SPATA6: variants seen among roughly 807,000 people sequenced by gnomAD.
SPATA6 encodes the protein spermatogenesis-associated protein 6.
A neutral mutation model predicts 65.3 loss-of-function variants in SPATA6; 56 were observed. The ratio of observed to expected loss-of-function variants is 0.86; its 90% CI spans 0.69 to 1.07. The LOEUF (loss-of-function observed/expected upper bound fraction) is 1.07. Ranked by LOEUF, SPATA6 falls within the 50% of genes least tolerant of loss-of-function variation. The pLI is 0.00. For missense variants in SPATA6, 590 were observed against 594.8 expected, an observed-to-expected ratio of 0.99 and a Z score of 0.08; for synonymous variants, 199 against 213.2, an observed-to-expected ratio of 0.93 and a Z score of 0.58.
intron 11 of SPATA6, among the ~76,000 whole-genome samples, chr1:48,341,623 T>G (rs1041528693): frequency 6.6e-6 from 1 of 152,136 alleles, no homozygotes. Context: ...TTCCTTTAAG[T>G]GAAAAGGTGA....
intron 9 of SPATA6, among the ~76,000 whole-genome samples, chr1:48,371,987 A>G (rs2148862058): frequency 6.6e-6 from 1 of 152,288 alleles, no homozygotes. Context: ...TCCCTCCTAC[A>G]ACATGTGGGA....
chr1:48,469,359 G>A (rs1318722372), intron 1 of SPATA6, among the ~76,000 whole-genome samples: 1 of 151,902 alleles, frequency 6.6e-6, no homozygotes, highest in Non-Finnish European at 1.5e-5. Flanking sequence ...AAGTTGGGGA[G>A]AAAGATGCCA....
At chr1:48,328,380 G>A (rs896410303) in intron 11 of SPATA6, among the ~76,000 whole-genome samples, 1 of 151,476 alleles carries the variant, frequency 6.6e-6, no homozygotes, top group African/African-American at 2.4e-5. Context: ...CTGATGAATG[G>A]ATAAAAAAAA....
chr1:48,465,404 A>C (rs144540412), intron 1 of SPATA6, among the ~76,000 whole-genome samples: 160 of 152,276 alleles, frequency 1.1e-3, no homozygotes, highest in African/African-American at 3.8e-3. Flanking sequence ...ATTTGTTATG[A>C]CAGTCCTAGG....
intron 11 of SPATA6, among the ~76,000 whole-genome samples, chr1:48,334,797 G>C (rs1195683899): frequency 6.6e-6 from 1 of 152,052 alleles, no homozygotes; most frequent in African/African-American, 2.4e-5. Flanking sequence ...AATCAGACAA[G>C]AGAGAGAAGC....
chr1:48,269,097 A>G, the SPATA6 span, among the ~76,000 whole-genome samples: 1 of 152,130 alleles, frequency 6.6e-6, no homozygotes, highest in African/African-American at 2.4e-5. Flanking sequence ...TAACTAGTAA[A>G]TTTAAGAGCC....
chr1:48,350,836 C>T (rs796678265), intron 11 of SPATA6, among the ~76,000 whole-genome samples: 2 of 151,872 alleles, frequency 1.3e-5, no homozygotes, highest in Admixed American at 6.6e-5. Context: ...TGTTTCAGAT[C>T]GTTTTGATTT....
chr1:48,370,086 C>T (rs1416045), intron 9 of SPATA6, among the ~76,000 whole-genome samples: 125,069 of 152,206 alleles, frequency 0.82, 51,747 homozygotes, highest in Middle Eastern at 0.91. Flanking sequence ...AAAAATGTTA[C>T]ATTTACAAAA....
intron 11 of SPATA6, among the ~76,000 whole-genome samples, chr1:48,317,115 T>C (rs924094360): frequency 1.3e-5 from 2 of 152,244 alleles, no homozygotes; most frequent in Non-Finnish European, 2.9e-5. Context: ...TGGAGGTCAG[T>C]GTGGTGATTC....
intron 11 of SPATA6, among the ~76,000 whole-genome samples, chr1:48,352,727 T>A (rs560589657): frequency 7.2e-5 from 11 of 152,020 alleles, no homozygotes; most frequent in Middle Eastern, 3.4e-3. Flanking sequence ...GCATACTGAA[T>A]GGATATTAAT....
At chr1:48,395,704 A>G (rs1650523599) in intron 7 of SPATA6, among the ~76,000 whole-genome samples, 1 of 151,920 alleles carries the variant, frequency 6.6e-6, no homozygotes, top group Admixed American at 6.6e-5. Flanking sequence ...AAGTCTAGCC[A>G]TTTGCTTCTT....
At chr1:48,337,912 T>C (rs1646104049) in intron 11 of SPATA6, among the ~76,000 whole-genome samples, 1 of 151,980 alleles carries the variant, frequency 6.6e-6, no homozygotes, top group Non-Finnish European at 1.5e-5. Context: ...AATCAAAGCA[T>C]AGATTCAATG....
intron 3 of SPATA6, among the ~76,000 whole-genome samples, chr1:48,418,544 CAAAAAAAAAAAAA>C (rs34415296): frequency 3.1e-3 from 154 of 49,704 alleles, no homozygotes; most frequent in Admixed American, 3.5e-3. Context: ...CCCATCCCTA[CAAAAAAAAAAAAA>C]AAAAAAAAAA....
chr1:48,427,434 CAA>C (rs760835892), intron 3 of SPATA6, among the ~76,000 whole-genome samples: 72 of 67,506 alleles, frequency 1.1e-3, no homozygotes, highest in Non-Finnish European at 1.5e-3. Flanking sequence ...AAAATTGAGG[CAA>C]AAAAAAAAAA....
the SPATA6 span, among the ~76,000 whole-genome samples, chr1:48,277,791 C>G: frequency 6.6e-6 from 1 of 152,356 alleles, no homozygotes; most frequent in Non-Finnish European, 1.5e-5. Flanking sequence ...CCTCTGCAGA[C>G]TTAAATGTCC....
At position 48,306,011 on chromosome 1, in the gene SPATA6, G is replaced by A. The variant is rs1279129131; in HGVS notation, c.1195-133C>T. 8.1e-6 allele frequency: 5 copies of A among 618,766 alleles called. No homozygotes were observed. The African/African-American group carries it at 9.4e-5, about 12-fold the overall frequency. 38.3% of individuals were successfully genotyped at this position (618,766 alleles called of 1,614,324 possible). On this transcript the variant is annotated intron_variant, in intron 11 of 12. Coordinates refer to ENST00000371847, the MANE Select transcript of SPATA6 (RefSeq NM_019073.4). ...ATAAGAAAGGGAATTAAATGCTAGT[G>A]TTTCTTTGGGGGGAAAAAGGTTAAG... is the stretch of plus-strand genomic sequence containing the variant.
chr1:48,400,090 TATAAAA>T (rs1481912358), intron 6 of SPATA6, among the ~76,000 whole-genome samples: 2 of 151,926 alleles, frequency 1.3e-5, no homozygotes, highest in Non-Finnish European at 2.9e-5. Flanking sequence ...AAGATAAAAC[TATAAAA>T]ATAAGTTTCA....
At chr1:48,282,044 T>G in the SPATA6 span, among the ~76,000 whole-genome samples, 1 of 152,160 alleles carries the variant, frequency 6.6e-6, no homozygotes. Context: ...TCTACAACTA[T>G]CTGATCTTTG....
intron 8 of SPATA6, among the ~76,000 whole-genome samples, chr1:48,387,350 A>G (rs188999229): frequency 1.2e-3 from 189 of 152,256 alleles, no homozygotes; most frequent in Non-Finnish European, 2.2e-3. Context: ...CACAAACGAG[A>G]TGCCATTCTG....
Sources: gnomAD v4.1 joint callset for allele counts (sites outside exome capture counted in the v4.1 genomes callset) on GRCh38, gnomAD v4.1.1 for gene constraint, MANE v1.5 for transcripts, NCBI Gene and HGNC (gene_info 2026-07-23, HGNC 2026-07-21) for gene names.